NPAS3: variants seen among roughly 807,000 people sequenced by gnomAD.
NPAS3 encodes neuronal PAS domain protein 3, also known as neuronal PAS domain-containing protein 3.
NPAS3 carries 14 observed loss-of-function variants against 73.1 expected under a neutral mutation model. That is an observed-to-expected ratio of 0.19 (90% CI 0.13 to 0.30). NPAS3 has a LOEUF of 0.30. Among genes scored for constraint, NPAS3 ranks in the 10% least tolerant of loss-of-function variants. The probability of loss-of-function intolerance (pLI) is 1.00; values close to 1 mark genes in which losing one functional copy is unlikely to be tolerated. For missense variants in NPAS3, 1,096 were observed against 1,250.0 expected (o/e 0.88, Z 1.86); for synonymous variants, 620 against 541.5 (o/e 1.14, Z -2.01).
chr14:33,676,201 C>T lies in NPAS3; in HGVS notation c.559-10C>T, dbSNP rs746622013. The T allele has an allele frequency of 4.4e-5, 71 of 1,613,110 alleles. No homozygotes were observed. The highest frequency in any genetic ancestry group is 5.3e-5 in the Non-Finnish European group (62 of 1,179,544). ...TGTCTTTCCTTCCCACCCTTTCTCT[C>T]GCCCTCTAGGTGGAGCTGACAGGCA... On this transcript the variant is annotated splice_polypyrimidine_tract_variant and intron_variant, in intron 5 of 11. Transcript: ENST00000356141.
intron 4 of NPAS3, among the ~76,000 whole-genome samples, chr14:33,465,592 G>GT (rs2050470636): frequency 6.6e-6 from 1 of 152,066 alleles, no homozygotes; most frequent in Non-Finnish European, 1.5e-5. Flanking sequence ...TATTAGCCCT[G>GT]TTTTATAAGT....
chr14:33,680,690 T>C, intron 6 of NPAS3: 1 of 700,804 alleles, frequency 1.4e-6, no homozygotes, highest in Middle Eastern at 2.3e-4. Flanking sequence ...CAGAGAGAAC[T>C]CAGCCAGGGC....
chr14:33,655,902 C>G (rs889059446), intron 5 of NPAS3, among the ~76,000 whole-genome samples: 1 of 152,088 alleles, frequency 6.6e-6, no homozygotes, highest in African/African-American at 2.4e-5. Flanking sequence ...TATTTGCAAA[C>G]AAACATCCTC....
chr14:33,092,006 G>A (rs2042243131), intron 2 of NPAS3, among the ~76,000 whole-genome samples: 1 of 152,094 alleles, frequency 6.6e-6, no homozygotes, highest in Non-Finnish European at 1.5e-5. Flanking sequence ...CAAACCCACA[G>A]CAATATCATA....
At chr14:32,976,264 C>A (rs1482990566) in intron 1 of NPAS3, among the ~76,000 whole-genome samples, 1 of 152,138 alleles carries the variant, frequency 6.6e-6, no homozygotes, top group Non-Finnish European at 1.5e-5. Context: ...CGCACTAGGC[C>A]TCAGTGTGTC....
chr14:33,708,311 A>G (rs1445230388), intron 6 of NPAS3, among the ~76,000 whole-genome samples: 2 of 152,338 alleles, frequency 1.3e-5, no homozygotes, highest in African/African-American at 4.8e-5. Context: ...GAAGTCCCCA[A>G]AACCATGGAT....
chr14:33,212,261 A>G (rs2047066928), intron 2 of NPAS3, among the ~76,000 whole-genome samples: 1 of 152,148 alleles, frequency 6.6e-6, no homozygotes, highest in Non-Finnish European at 1.5e-5. Flanking sequence ...CACAAAACCA[A>G]TTACTACTTA....
intron 9 of NPAS3, among the ~76,000 whole-genome samples, chr14:33,789,459 T>C (rs896277020): frequency 3.3e-5 from 5 of 152,182 alleles, no homozygotes; most frequent in Non-Finnish European, 7.3e-5. Context: ...CTTTCAAGAT[T>C]CTAAGCTAAC....
intron 6 of NPAS3, among the ~76,000 whole-genome samples, chr14:33,690,078 G>A (rs1166512688): frequency 6.6e-6 from 1 of 152,204 alleles, no homozygotes; most frequent in Non-Finnish European, 1.5e-5. Context: ...CAGCCACAAT[G>A]TGGGTTATGT....
At chr14:33,776,797 T>C (rs1451627876) in intron 8 of NPAS3, among the ~76,000 whole-genome samples, 6 of 152,124 alleles carry the variant, frequency 3.9e-5, no homozygotes, top group Non-Finnish European at 5.9e-5. Context: ...AAAGGTGCCA[T>C]CAGGATTCTG....
At chr14:33,313,051 C>G (rs770316907) in intron 3 of NPAS3, among the ~76,000 whole-genome samples, 1 of 151,914 alleles carries the variant, frequency 6.6e-6, no homozygotes, top group African/African-American at 2.4e-5. Context: ...TGCATGAAGG[C>G]TCTTGTCATT....
chr14:33,224,576 A>T (rs910355960), intron 3 of NPAS3, among the ~76,000 whole-genome samples: 1 of 152,106 alleles, frequency 6.6e-6, no homozygotes, highest in African/African-American at 2.4e-5. Context: ...TCTTTTAACA[A>T]AGTCAGTTAC....
At chr14:33,548,638 C>G (rs1168549224) in intron 4 of NPAS3, among the ~76,000 whole-genome samples, 1 of 152,212 alleles carries the variant, frequency 6.6e-6, no homozygotes, top group Non-Finnish European at 1.5e-5. Context: ...AGCGATTACT[C>G]AGGTGTGTTA....
chr14:33,797,768 C>T (rs939386508), intron 11 of NPAS3, among the ~76,000 whole-genome samples, 187 bp downstream of exon 11: 12 of 151,940 alleles, frequency 7.9e-5, no homozygotes, highest in African/African-American at 2.9e-4. Flanking sequence ...TTGTACACCA[C>T]TACATACCTG....
At chr14:32,958,384 T>G (rs1292744546) in intron 1 of NPAS3, among the ~76,000 whole-genome samples, 1 of 152,172 alleles carries the variant, frequency 6.6e-6, no homozygotes, top group Non-Finnish European at 1.5e-5. Flanking sequence ...AGTTGTTATC[T>G]TCCATAATCT....
At chr14:33,705,634 G>A (rs1191948468) in intron 6 of NPAS3, among the ~76,000 whole-genome samples, 2 of 152,256 alleles carry the variant, frequency 1.3e-5, no homozygotes, top group Non-Finnish European at 2.9e-5. Flanking sequence ...GGAAGTTCGT[G>A]TGGAATGTTC....
chr14:33,014,153 G>A (rs1270686720), intron 1 of NPAS3, among the ~76,000 whole-genome samples: 1 of 151,986 alleles, frequency 6.6e-6, no homozygotes, highest in Non-Finnish European at 1.5e-5. Flanking sequence ...CTTTAGAATA[G>A]GCAAAGAAAA....
intron 2 of NPAS3, among the ~76,000 whole-genome samples, chr14:33,185,421 A>G (rs1218004304): frequency 6.6e-6 from 1 of 152,130 alleles, no homozygotes; most frequent in African/African-American, 2.4e-5. Context: ...AAGTAGTTCA[A>G]ATTTCTGCAG....
intron 4 of NPAS3, among the ~76,000 whole-genome samples, chr14:33,407,288 G>T (rs1434632715): frequency 6.6e-6 from 1 of 152,096 alleles, no homozygotes; most frequent in Non-Finnish European, 1.5e-5. Flanking sequence ...ACATATGAGA[G>T]CCTCTTTTCC....
Sources: allele counts gnomAD v4.1 joint callset (sites outside exome capture counted in the v4.1 genomes callset), GRCh38; gene constraint gnomAD v4.1.1; transcripts MANE v1.5; gene names NCBI Gene and HGNC (gene_info 2026-07-23, HGNC 2026-07-21).